The following MAP6 variants were observed in gnomAD, a reference collection of about 807,000 sequenced individuals.
MAP6 encodes microtubule-associated protein 6.
In MAP6, 26 loss-of-function variants were observed where a neutral mutation model predicts 42.4. The observed-to-expected ratio is 0.61, with a 90% CI of 0.45 to 0.85. MAP6 has a LOEUF of 0.85. Among genes scored for constraint, MAP6 ranks in the 40% least tolerant of loss-of-function variants. MAP6 has a pLI of 0.00. For synonymous variants in MAP6, 418 were observed against 443.8 expected (o/e 0.94, Z 0.73); for missense variants, 966 against 1,099.0 (o/e 0.88, Z 1.71).
intron 1 of MAP6, among the ~76,000 whole-genome samples, chr11:75,617,852 G>A (rs1217569585): frequency 2.6e-5 from 4 of 152,118 alleles, no homozygotes; most frequent in Non-Finnish European, 5.9e-5. Flanking sequence ...AGGCCATAGA[G>A]TTCTCAGTTG....
intron 2 of MAP6, 114 bp from the exon 3 acceptor site, chr11:75,606,118 C>T (rs1942769049): frequency 7.6e-7 from 1 of 1,308,476 alleles, no homozygotes; most frequent in Non-Finnish European, 1.0e-6. Context: ...CAGAGGTTGG[C>T]TCAGGTGGAG....
chr11:75,657,167 G>C lies in MAP6; in HGVS notation c.905+10298C>G, dbSNP rs576521180. On this transcript the variant is annotated intron_variant, in intron 1 of 3. Coordinates refer to ENST00000304771, the MANE Select transcript of MAP6 (RefSeq NM_033063.2). ...CGCTCTGTCGCCAGGCTGGAGTGCA[G>C]TGGCACGATCTTGGTTCACTGCAAG... Among the ~76,000 whole-genome samples, 61 of 149,714 alleles carry C rather than the reference G, an allele frequency of 4.1e-4. 1 individual carries two copies. Among genetic ancestry groups the C allele is most frequent in the Middle Eastern group, 6.8e-3 (2 of 292 alleles).
rs1400276757 is a variant in MAP6 at position 75,667,374 on chromosome 11, C to A, written c.905+91G>T. On this transcript the variant is annotated intron_variant, in intron 1 of 3. Coordinates refer to ENST00000304771, the MANE Select transcript of MAP6 (RefSeq NM_033063.2). The surrounding 1 kb of genome is among the most constrained non-coding windows in gnomAD (Gnocchi z 5.6). ...CCTGGGACTGGAGGGAGGCTGCACGCTAGGCCTGCGCTGGGGATCCTGGGC... is the reference window on the plus strand; with the variant it reads ...CCTGGGACTGGAGGGAGGCTGCACGATAGGCCTGCGCTGGGGATCCTGGGC... 3.2e-6 allele frequency: 4 copies of A among 1,238,808 alleles called. No homozygotes were observed. The highest frequency in any genetic ancestry group is 1.7e-5 in the South Asian group (1 of 57,634). 76.7% of individuals were successfully genotyped at this position (1,238,808 alleles called of 1,614,324 possible).
chr11:75,625,326 G>A (rs1407135897), intron 1 of MAP6, among the ~76,000 whole-genome samples: 1 of 152,164 alleles, frequency 6.6e-6, no homozygotes. Flanking sequence ...CTAGTCTTTG[G>A]GGGAAGCAAT....
intron 1 of MAP6, among the ~76,000 whole-genome samples, chr11:75,628,611 T>C (rs990643669): frequency 2.6e-5 from 4 of 152,204 alleles, no homozygotes; most frequent in Admixed American, 6.5e-5. Context: ...TCACTTTAAA[T>C]AGACTGACTA....
chr11:75,587,585 T>C lies in MAP6; in HGVS notation c.1916A>G (p.Gln639Arg). Reference protein sequence around the residue: ...GPMVSAPIKDQDPMVPEHPKD... With the variant: ...GPMVSAPIKDRDPMVPEHPKD... ...CGGATGCTCTGGGACCATGGGATCT[T>C]GATCCTTGATAGGTGCTGAGACCAT... Residue 639 changes from glutamine to arginine, a missense_variant, in exon 4 of 4, where the codon CAA becomes CGA. By Grantham distance (43) the Gln-to-Arg change is conservative. This residue lies in a region of MAP6 where 943 missense variants were observed against 1,049.9 expected (regional missense o/e 0.90). Transcript: ENST00000304771. 6.2e-7 allele frequency: 1 copy of C among 1,614,230 alleles called. No individual in the cohort carries two copies. The highest frequency in any genetic ancestry group is 1.1e-5 in the South Asian group (1 of 91,078).
At chr11:75,638,340 G>A (rs994195860) in intron 1 of MAP6, among the ~76,000 whole-genome samples, 17 of 152,312 alleles carry the variant, frequency 1.1e-4, no homozygotes, top group African/African-American at 3.8e-4. Flanking sequence ...CTCCCTGGCA[G>A]GTAATGCCCA....
At chr11:75,595,961 GCACA>G (rs1411497117) in intron 3 of MAP6, among the ~76,000 whole-genome samples, 8 of 152,094 alleles carry the variant, frequency 5.3e-5, no homozygotes, top group African/African-American at 1.7e-4. Flanking sequence ...CATAGGGCTG[GCACA>G]TGGTAGGAGG....
intron 3 of MAP6, among the ~76,000 whole-genome samples, chr11:75,598,487 G>A (rs985084571): frequency 3.9e-5 from 6 of 152,218 alleles, no homozygotes; most frequent in African/African-American, 1.4e-4. Flanking sequence ...GCTATCTAAA[G>A]TACAGAGGTA....
rs965759146 is a variant in MAP6, at chr11:75,616,546, G to A, written c.906-8224C>T. On this transcript the variant is annotated intron_variant, in intron 1 of 3. Coordinates refer to ENST00000304771, the MANE Select transcript of MAP6 (RefSeq NM_033063.2). The stretch of plus-strand genomic sequence containing the variant: ...ATGGAGGCAGTCACTGAATGCTGTC[G>A]GTTGCCAAGCTATTGTCAGGAGGTG... Among the ~76,000 whole-genome samples the A allele has an allele frequency of 9.8e-5, 15 of 152,306 alleles. 1 individual carries two copies. The highest frequency in any genetic ancestry group is 2.1e-4 in the South Asian group (1 of 4,822).
intron 1 of MAP6, among the ~76,000 whole-genome samples, chr11:75,629,126 T>C (rs896882808): frequency 6.6e-6 from 1 of 152,204 alleles, no homozygotes; most frequent in Non-Finnish European, 1.5e-5. Flanking sequence ...TCTTGCTCTT[T>C]ACTCAGGCTG....
At chr11:75,655,491 T>C (rs1486612831) in intron 1 of MAP6, among the ~76,000 whole-genome samples, 1 of 152,296 alleles carries the variant, frequency 6.6e-6, no homozygotes, top group Admixed American at 6.5e-5. Flanking sequence ...GCATCGAGTG[T>C]GTGCAGGGAG....
Position 75,647,931 on chromosome 11 carries a change from G to A in MAP6, c.905+19534C>T, listed in dbSNP as rs1943588986. Among the ~76,000 whole-genome samples, 4 of 152,224 alleles carry A rather than the reference G, an allele frequency of 2.6e-5. No individual in the cohort carries two copies. In the East Asian group the frequency reaches 7.7e-4, roughly 29 times the overall value. ...TTACAAAGCTATGACAAATAAGTGT[G>A]GCATTTTTTTTAGAAAAAGACAAAC... On this transcript the variant is annotated intron_variant, in intron 1 of 3. Coordinates refer to ENST00000304771, the MANE Select transcript of MAP6 (RefSeq NM_033063.2).
intron 1 of MAP6, among the ~76,000 whole-genome samples, chr11:75,651,369 T>G (rs1943643262): frequency 6.6e-6 from 1 of 152,180 alleles, no homozygotes; most frequent in South Asian, 2.1e-4. Flanking sequence ...CAGCCTGCCT[T>G]TGGCCCACTC....
intron 1 of MAP6, among the ~76,000 whole-genome samples, chr11:75,612,695 TG>T: frequency 1.3e-5 from 2 of 152,296 alleles, no homozygotes; most frequent in Admixed American, 1.3e-4. Context: ...GTGCTGTGCC[TG>T]GGAAGATGCT....
chr11:75,592,541 C>T (rs559524922), intron 3 of MAP6, among the ~76,000 whole-genome samples: 66 of 152,246 alleles, frequency 4.3e-4, no homozygotes, highest in Non-Finnish European at 8.4e-4. Flanking sequence ...TAACATTTAT[C>T]TCTTGAATAT....
chr11:75,654,102 A>G (rs1410446883), intron 1 of MAP6, among the ~76,000 whole-genome samples: 1 of 152,230 alleles, frequency 6.6e-6, no homozygotes, highest in Admixed American at 6.5e-5. Context: ...AAGTCTTTCA[A>G]CAACTTGTAA....
rs144301607 is a variant in MAP6, at chr11:75,654,728, G to A, written c.905+12737C>T. Among the ~76,000 whole-genome samples the A allele has an allele frequency of 4.5e-3, 682 of 152,306 alleles. 5 individuals carry two copies. The highest frequency in any genetic ancestry group is 0.015 in the African/African-American group (642 of 41,550). ...AGCCAGCACTTACTATGATGAGTAT[G>A]CACTGTGGACAAACATTATCTCCCC... On this transcript the variant is annotated intron_variant, in intron 1 of 3. Coordinates refer to ENST00000304771, the MANE Select transcript of MAP6 (RefSeq NM_033063.2).
Position 75,667,600 on chromosome 11 carries a change from TCGTGCC to T in MAP6, c.764_769del (p.Gly255_His256del). On this transcript the variant is annotated inframe_deletion, in exon 1 of 4. Transcript: ENST00000304771. The surrounding 1 kb of genome is among the most constrained non-coding windows in gnomAD (Gnocchi z 5.6). Reference sequence around the variant, plus strand: ...CTGGGCCGCGGGCAGCGGCGTCTGCTCGTGCCCCAGGCCCTCGGCGCGGCGCACAAT... The same window carrying T: ...CTGGGCCGCGGGCAGCGGCGTCTGCTCCAGGCCCTCGGCGCGGCGCACAAT... The T allele has an allele frequency of 2.2e-6, 3 of 1,355,138 alleles. No homozygotes were observed. Among genetic ancestry groups the T allele is most frequent in the Non-Finnish European group, 2.8e-6 (3 of 1,063,326 alleles). 83.9% of individuals were successfully genotyped at this position (1,355,138 alleles called of 1,614,324 possible). A position where few individuals can be genotyped will look rare whatever the true frequency, so the allele number is the denominator to read the frequency against.
Sources: gnomAD v4.1 joint callset for allele counts (sites outside exome capture counted in the v4.1 genomes callset) on GRCh38, gnomAD v4.1.1 for gene constraint, gnomAD v4.1.1 regional missense constraint, Gnocchi (gnomAD v3.1) non-coding constraint, MANE v1.5 for transcripts, NCBI Gene and HGNC (gene_info 2026-07-23, HGNC 2026-07-21) for gene names.